Variants in MCC observed in about 807,000 individuals in gnomAD.
The protein encoded by MCC is MCC regulator of Wnt signaling pathway, also known as colorectal mutant cancer protein.
A neutral mutation model predicts 116.2 loss-of-function variants in MCC; 90 were observed. That is an observed-to-expected ratio of 0.77 (90% CI 0.65 to 0.92). The LOEUF is 0.92. Among genes scored for constraint, MCC ranks in the 40% least tolerant of loss-of-function variants. The pLI is 0.00. For synonymous variants in MCC, 578 were observed against 510.5 expected (o/e 1.13, Z -1.78); for missense variants, 1,516 against 1,312.2 (o/e 1.16, Z -2.40).
chr5:113,293,196 C>A (rs1427582209), intron 3 of MCC, among the ~76,000 whole-genome samples: 1 of 151,688 alleles, frequency 6.6e-6, no homozygotes, highest in Non-Finnish European at 1.5e-5. Context: ...TTTCCCCCAA[C>A]CCCATTTAAT....
intron 15 of MCC, 134 bp downstream of exon 15, chr5:113,053,591 G>A: frequency 4.7e-6 from 3 of 632,220 alleles, no homozygotes; most frequent in Non-Finnish European, 8.3e-6. Flanking sequence ...AACCAGCTCT[G>A]TCTATAAACA....
chr5:113,147,643 G>A (rs535677692), intron 4 of MCC, among the ~76,000 whole-genome samples: 3 of 152,194 alleles, frequency 2.0e-5, no homozygotes, highest in Admixed American at 1.3e-4. Context: ...AACACTATTC[G>A]GGGTATTTCC....
At chr5:113,451,675 A>C (rs1771400489) in intron 1 of MCC, among the ~76,000 whole-genome samples, 1 of 152,102 alleles carries the variant, frequency 6.6e-6, no homozygotes, top group Non-Finnish European at 1.5e-5. Flanking sequence ...TGGAGGTTGC[A>C]CCTTTGCACT....
At chr5:113,369,845 C>G (rs1330118657) in intron 2 of MCC, among the ~76,000 whole-genome samples, 1 of 152,154 alleles carries the variant, frequency 6.6e-6, no homozygotes, top group African/African-American at 2.4e-5. Context: ...AGGTTTCTTC[C>G]ATAACTCTAA....
At chr5:113,192,105 G>C (rs1762177530) in intron 3 of MCC, among the ~76,000 whole-genome samples, 2 of 152,128 alleles carry the variant, frequency 1.3e-5, no homozygotes, top group Non-Finnish European at 2.9e-5. Context: ...TTTGAGCTTA[G>C]ATCTCATTCC....
intron 3 of MCC, among the ~76,000 whole-genome samples, chr5:113,250,369 C>G (rs1764750101): frequency 6.6e-6 from 1 of 152,188 alleles, no homozygotes; most frequent in South Asian, 2.1e-4. Context: ...CCTCAGTTTA[C>G]ACAAGAAGAA....
At chr5:113,459,133 A>ATGTGTATGTGTGTGTGTGTG (rs762493058) in intron 1 of MCC, among the ~76,000 whole-genome samples, 1 of 68,304 alleles carries the variant, frequency 1.5e-5, no homozygotes, top group African/African-American at 5.8e-5. Context: ...GAGTAAGGAT[A>ATGTGTATGTGTGTGTGTGTG]TGTGTGTGTG....
At chr5:113,283,201 T>G (rs1766116245) in intron 3 of MCC, among the ~76,000 whole-genome samples, 1 of 152,198 alleles carries the variant, frequency 6.6e-6, no homozygotes, top group African/African-American at 2.4e-5. Flanking sequence ...TCACTCCTAC[T>G]GGAAATACCA....
Position 113,375,614 on chromosome 5 carries a change from C to A in MCC, c.415+9354G>T, listed in dbSNP as rs1220840780. On this transcript the variant is annotated intron_variant, in intron 2 of 18. Transcript: ENST00000408903. ...TAGTCATCTGGTAGCTTGACAGGGG[C>A]TGGAGGGACTAAGATATCCACACTT... Among the ~76,000 whole-genome samples the A allele has an allele frequency of 2.0e-5, 3 of 152,270 alleles. No homozygotes were observed. The East Asian group carries it at 5.8e-4, about 29-fold the overall frequency.
intron 1 of MCC, chr5:113,432,943 T>C (rs1211886041): frequency 2.0e-5 from 3 of 152,204 alleles, no homozygotes; most frequent in East Asian, 3.8e-4. Context: ...AGAAAGCCAG[T>C]AGAGATAAGA....
chr5:113,414,457 T>C (rs559374396), intron 1 of MCC, among the ~76,000 whole-genome samples: 12 of 152,364 alleles, frequency 7.9e-5, no homozygotes, highest in East Asian at 1.9e-4. Context: ...TGTTCCTGTA[T>C]TGAGTGCATA....
At chr5:113,326,636 C>A (rs932587427) in intron 3 of MCC, among the ~76,000 whole-genome samples, 1 of 152,214 alleles carries the variant, frequency 6.6e-6, no homozygotes, top group Admixed American at 6.5e-5. Flanking sequence ...ACATATTCAA[C>A]CCATAGCAAG....
At chr5:113,433,393 C>T (rs1055058330) in intron 1 of MCC, 7 of 526,460 alleles carry the variant, frequency 1.3e-5, no homozygotes, top group African/African-American at 1.9e-5. Context: ...AGGTGGACAG[C>T]GGTGCCTTCC....
intron 1 of MCC, among the ~76,000 whole-genome samples, chr5:113,474,793 A>G (rs1328722750): frequency 3.9e-5 from 6 of 152,204 alleles, no homozygotes; most frequent in African/African-American, 1.4e-4. Flanking sequence ...TAAAATTGCC[A>G]ACACATTTTC....
intron 3 of MCC, among the ~76,000 whole-genome samples, chr5:113,292,761 G>C (rs961403855): frequency 8.5e-5 from 13 of 152,124 alleles, no homozygotes; most frequent in African/African-American, 2.9e-4. Context: ...GCACTCTGCT[G>C]CATAGAAACA....
Position 113,050,629 on chromosome 5 carries a change from C to G in MCC, c.2449-1330G>C, listed in dbSNP as rs1429553494. Among the ~76,000 whole-genome samples, 8 of 152,232 alleles carry G rather than the reference C, an allele frequency of 5.3e-5. No homozygotes were observed. The East Asian group carries it at 1.5e-3, about 29-fold the overall frequency. On this transcript the variant is annotated intron_variant, in intron 15 of 18. Transcript: ENST00000408903. Reference sequence around the variant, plus strand: ...TGTGCCACGCCCAGAGCCTTCGGATCTTTTGCCATTGGAAGCAGGATTCTG... The same window carrying G: ...TGTGCCACGCCCAGAGCCTTCGGATGTTTTGCCATTGGAAGCAGGATTCTG...
chr5:113,283,953 T>C (rs1050613981), intron 3 of MCC, among the ~76,000 whole-genome samples: 1 of 152,242 alleles, frequency 6.6e-6, no homozygotes, highest in Non-Finnish European at 1.5e-5. Context: ...TTTATGATGA[T>C]CCACTGCATG....
chr5:113,245,756 A>T (rs1336698162), intron 3 of MCC, among the ~76,000 whole-genome samples: 1 of 152,182 alleles, frequency 6.6e-6, no homozygotes, highest in Non-Finnish European at 1.5e-5. Flanking sequence ...CCTTCCCCAC[A>T]AATGATGGAA....
intron 3 of MCC, among the ~76,000 whole-genome samples, chr5:113,202,331 A>T (rs959635719): frequency 6.6e-6 from 1 of 152,116 alleles, no homozygotes; most frequent in African/African-American, 2.4e-5. Flanking sequence ...CCCTTAAAAA[A>T]CTTGCTTAGG....
Sources: gnomAD v4.1 joint callset for allele counts (sites outside exome capture counted in the v4.1 genomes callset) on GRCh38, gnomAD v4.1.1 for gene constraint, MANE v1.5 for transcripts, NCBI Gene and HGNC (gene_info 2026-07-23, HGNC 2026-07-21) for gene names.